FOXN3: variants seen among roughly 807,000 people sequenced by gnomAD.
The protein encoded by FOXN3 is forkhead box N3, also known as forkhead box protein N3.
A neutral mutation model predicts 38.4 loss-of-function variants in FOXN3; 7 were observed. The ratio of observed to expected loss-of-function variants is 0.18; its 90% CI spans 0.10 to 0.34. The LOEUF is 0.34. Among genes scored for constraint, FOXN3 ranks in the 10% least tolerant of loss-of-function variants. The pLI is 1.00. For synonymous variants in FOXN3, 230 were observed against 242.2 expected (o/e 0.95, Z 0.47); for missense variants, 456 against 613.4 (o/e 0.74, Z 2.71).
chr14:89,258,624 T>C (rs763377852), intron 4 of FOXN3, among the ~76,000 whole-genome samples: 2 of 152,370 alleles, frequency 1.3e-5, no homozygotes, highest in Middle Eastern at 6.8e-3. Flanking sequence ...TTTGCTAAAA[T>C]GTAAGCAGCT....
At chr14:89,397,651 T>A (rs572333577) in intron 2 of FOXN3, among the ~76,000 whole-genome samples, 1 of 152,142 alleles carries the variant, frequency 6.6e-6, no homozygotes, top group South Asian at 2.1e-4. Flanking sequence ...CCCAAACTTA[T>A]TTCTCTCTCT....
rs980088750 is a variant in FOXN3 at position 89,384,038 on chromosome 14, G to A, written c.543+27896C>T. 3.3e-5 allele frequency among the ~76,000 whole-genome samples: 5 copies of A among 152,214 alleles called. No homozygotes were observed. In the East Asian group the frequency reaches 9.6e-4, roughly 29 times the overall value. The stretch of plus-strand genomic sequence containing the variant: ...GAATTTGGTGGGGGGGGACATTTCA[G>A]CCCACTACAGTGATAACAGAGAACA... On this transcript the variant is annotated intron_variant, in intron 2 of 5. Transcript: ENST00000557258.
chr14:89,187,867 C>T (rs1935907450), intron 4 of FOXN3, among the ~76,000 whole-genome samples: 1 of 152,180 alleles, frequency 6.6e-6, no homozygotes, highest in Non-Finnish European at 1.5e-5. Flanking sequence ...TTACAACCTG[C>T]TCCTTGACTG....
intron 1 of FOXN3, among the ~76,000 whole-genome samples, chr14:89,535,083 G>C (rs370839749): frequency 2.6e-5 from 4 of 152,102 alleles, no homozygotes; most frequent in Admixed American, 6.6e-5. Flanking sequence ...CACTTACGCA[G>C]TGACTATAAA....
chr14:89,597,094 ATATAAAT>A (rs751138356), intron 1 of FOXN3, among the ~76,000 whole-genome samples: 2 of 152,182 alleles, frequency 1.3e-5, no homozygotes, highest in Non-Finnish European at 2.9e-5. Context: ...ATATATGCAA[ATATAAAT>A]AGGCTTTAAA....
intron 3 of FOXN3, among the ~76,000 whole-genome samples, chr14:89,313,807 A>T (rs1461992167): frequency 1.3e-5 from 2 of 152,344 alleles, no homozygotes; most frequent in African/African-American, 4.8e-5. Flanking sequence ...CAGCCTTGAA[A>T]GGGGCAAAAG....
At chr14:89,190,464 C>G (rs764423440) in intron 4 of FOXN3, 9 of 1,609,386 alleles carry the variant, frequency 5.6e-6, no homozygotes, top group East Asian at 2.2e-5. Flanking sequence ...AAAAATCAAC[C>G]AATAAATAAC....
At chr14:89,480,181 T>C (rs758675729) in intron 1 of FOXN3, among the ~76,000 whole-genome samples, 31 of 152,172 alleles carry the variant, frequency 2.0e-4, no homozygotes, top group Middle Eastern at 3.4e-3. Flanking sequence ...GGCGGGCGGA[T>C]CATGAGGTCA....
intron 1 of FOXN3, among the ~76,000 whole-genome samples, chr14:89,596,877 T>C (rs903338095): frequency 9.2e-5 from 14 of 152,164 alleles, no homozygotes; most frequent in African/African-American, 3.4e-4. Flanking sequence ...TCATAGTTGT[T>C]GTTGGTGCTA....
intron 4 of FOXN3, among the ~76,000 whole-genome samples, chr14:89,252,840 T>G (rs1241956745): frequency 5.9e-5 from 9 of 152,058 alleles, no homozygotes. Flanking sequence ...AGATACAGTG[T>G]GAAATAGGAT....
intron 2 of FOXN3, among the ~76,000 whole-genome samples, chr14:89,383,475 A>G (rs569046166): frequency 1.3e-5 from 2 of 152,346 alleles, no homozygotes; most frequent in South Asian, 4.1e-4. Context: ...AAATTAACAC[A>G]AACTTGGTGG....
At chr14:89,306,766 A>G (rs932716247) in intron 3 of FOXN3, among the ~76,000 whole-genome samples, 4 of 152,200 alleles carry the variant, frequency 2.6e-5, no homozygotes, top group African/African-American at 7.2e-5. Context: ...CAAATTATGA[A>G]CCAAACTGTA....
Position 89,412,148 on chromosome 14 carries a change from T to C in FOXN3, c.329A>G (p.Asn110Ser). The part of the protein sequence containing the change: ...HSDMPYDARQ[N>S]PNCKPPYSFS... ...GGAGTAGGGGGGTTTGCAGTTGGGGTTCTGCCTGGCATCGTAGGGCATGTC... is the reference window on the plus strand; with the variant it reads ...GGAGTAGGGGGGTTTGCAGTTGGGGCTCTGCCTGGCATCGTAGGGCATGTC... The change falls in exon 2 of 6, where the codon AAC becomes AGC. Residue 110 changes from asparagine to serine, a missense_variant. Physicochemically the swap from Asn to Ser is conservative, Grantham distance 46 (BLOSUM62 1). Around this residue, in one of 3 missense-constraint regions of FOXN3, gnomAD observed 386 missense variants for 505.2 expected, o/e 0.76. Coordinates refer to ENST00000557258, the MANE Select transcript of FOXN3 (RefSeq NM_005197.4). The surrounding 1 kb of genome is among the most constrained non-coding windows in gnomAD (Gnocchi z 4.7). 1 of 1,610,878 alleles carries C rather than the reference T, an allele frequency of 6.2e-7. No individual in the cohort carries two copies. Among genetic ancestry groups the C allele is most frequent in the Non-Finnish European group, 8.5e-7 (1 of 1,177,838 alleles).
chr14:89,302,871 G>C (rs894494336), intron 3 of FOXN3, among the ~76,000 whole-genome samples: 4 of 152,198 alleles, frequency 2.6e-5, no homozygotes, highest in African/African-American at 9.6e-5. Flanking sequence ...AGGCCACCAA[G>C]TTTTAGTACT....
chr14:89,427,301 CTT>C (rs34755821), intron 1 of FOXN3, among the ~76,000 whole-genome samples: 6,144 of 67,322 alleles, frequency 0.091, 153 homozygotes, highest in South Asian at 0.19. Flanking sequence ...GAAAAGGGGA[CTT>C]TTTTTTTTTT....
intron 3 of FOXN3, among the ~76,000 whole-genome samples, chr14:89,321,300 A>T (rs898553038): frequency 1.3e-5 from 2 of 151,338 alleles, no homozygotes; most frequent in Non-Finnish European, 2.9e-5. Context: ...ATTAAAAAAT[A>T]AAAAAAAATT....
intron 2 of FOXN3, among the ~76,000 whole-genome samples, chr14:89,380,696 G>A (rs568728415): frequency 6.6e-6 from 1 of 152,342 alleles, no homozygotes; most frequent in East Asian, 1.9e-4. Flanking sequence ...GTCCTATAAA[G>A]AGCGGAGGCA....
intron 3 of FOXN3, among the ~76,000 whole-genome samples, chr14:89,282,507 G>A (rs1886495408): frequency 6.6e-6 from 1 of 152,138 alleles, no homozygotes; most frequent in African/African-American, 2.4e-5. Context: ...AAGGCTCAAA[G>A]TTGCATGAAG....
chr14:89,511,247 T>TTTTTCTTTCCTTTC (rs1566681259), intron 1 of FOXN3, among the ~76,000 whole-genome samples: 9 of 11,292 alleles, frequency 8.0e-4, no homozygotes, highest in African/African-American at 1.3e-3. Context: ...CTTTTCTTTC[T>TTTTTCTTTCCTTTC]TTTCTTTCTT....
Sources: allele counts gnomAD v4.1 joint callset (sites outside exome capture counted in the v4.1 genomes callset), GRCh38; gene constraint gnomAD v4.1.1; regional missense constraint gnomAD v4.1.1; non-coding constraint Gnocchi (gnomAD v3.1); transcripts MANE v1.5; gene names NCBI Gene and HGNC (gene_info 2026-07-23, HGNC 2026-07-21).